Variants in ZAN observed in about 807,000 individuals in gnomAD.
The protein encoded by ZAN is zonadhesin (gene/pseudogene).
A neutral mutation model predicts 286.2 loss-of-function variants in ZAN; 260 were observed. That is an observed-to-expected ratio of 0.91 (90% CI 0.82 to 1.01). The LOEUF is 1.01. Among genes scored for constraint, ZAN ranks in the 50% least tolerant of loss-of-function variants. The pLI is 0.00. For missense variants in ZAN, 3,410 were observed against 3,639.2 expected (o/e 0.94, Z 1.62); for synonymous variants, 1,368 against 1,417.5 (o/e 0.97, Z 0.79).
At chr7:100,784,202 T>C (rs1811408650) in intron 35 of ZAN, among the ~76,000 whole-genome samples, 1 of 149,560 alleles carries the variant, frequency 6.7e-6, no homozygotes, top group South Asian at 2.1e-4. Flanking sequence ...TGATCTTGGC[T>C]CAATGCAACC....
Position 100,772,593 on chromosome 7 carries a change from A to G in ZAN, c.5425+573A>G, listed in dbSNP as rs546795912. 5.3e-5 allele frequency among the ~76,000 whole-genome samples: 8 copies of G among 151,974 alleles called. No individual in the cohort carries two copies. The South Asian group carries it at 8.3e-4, about 16-fold the overall frequency. On this transcript the variant is annotated intron_variant, in intron 29 of 47. Transcript: ENST00000613979. The stretch of plus-strand genomic sequence containing the variant: ...TCCCAGCACTTTGGGAGGCCGAGGC[A>G]GGTGGATCACGAGGTCAGGAGATCG...
rs1808643350 is a variant in ZAN at position 100,751,264 on chromosome 7, C to G, written c.1604C>G (p.Pro535Arg). The change falls in exon 13 of 48, where the codon CCA becomes CGA. Residue 535 changes from proline (P) to arginine (R), a missense_variant and splice_region_variant. Physicochemically the swap from Pro to Arg is moderately radical, Grantham distance 103 (BLOSUM62 -2). Transcript: ENST00000613979. ...GFILINPGTC[P>R]VKVLPELPPV... ...ATCTTGATCAATCCTGGGACTTGTCCAGGTAAGACCAAAGCCCAGGCTCCA... is the reference window on the plus strand; with the variant it reads ...ATCTTGATCAATCCTGGGACTTGTCGAGGTAAGACCAAAGCCCAGGCTCCA... 5 of 1,581,370 alleles carry G rather than the reference C, an allele frequency of 3.2e-6. No homozygotes were observed. Among genetic ancestry groups the G allele is most frequent in the African/African-American group, 2.7e-5 (2 of 73,594 alleles).
chr7:100,749,383 G>A (rs1013050955), intron 11 of ZAN, among the ~76,000 whole-genome samples: 1 of 151,206 alleles, frequency 6.6e-6, no homozygotes, highest in African/African-American at 2.4e-5. Context: ...GCTCACACCT[G>A]TAATCCCAGC....
rs373487953 is a variant in ZAN at position 100,793,931 on chromosome 7, G to A, written c.7899G>A (p.Leu2633=). 3 of 1,613,952 alleles carry A rather than the reference G, an allele frequency of 1.9e-6. No individual in the cohort carries two copies. The highest frequency in any genetic ancestry group is 2.2e-5 in the East Asian group (1 of 44,874). ...RGLRGPLRGR[L]RQHPRLCLQW... The stretch of plus-strand genomic sequence containing the variant: ...TGCGAGGGCCCCTGCGTGGAAGGCT[G>A]CGCCAGCATCCCAGGCTATGCCTAC... Residue 2633 remains leucine (L), a synonymous_variant, in exon 43 of 48, where the codon CTG becomes CTA. Transcript: ENST00000613979.
Position 100,752,089 on chromosome 7 carries a change from A to G in ZAN, c.1984A>G (p.Thr662Ala). ...EKPTVPTEEP[T>A]TPTEETTTSM... The stretch of plus-strand genomic sequence containing the variant: ...ACCCACCGTCCCCACAGAAGAGCCC[A>G]CCACCCCCACTGAGGAGACCACCAC... Residue 662 changes from threonine (T) to alanine (A), a missense_variant, in exon 14 of 48, where the codon ACC becomes GCC. Thr to Ala is a moderately conservative substitution (Grantham distance 58, BLOSUM62 0). Around this residue, in one of 7 missense-constraint regions of ZAN, gnomAD observed 872 missense variants for 938.9 expected, o/e 0.93. Transcript: ENST00000613979. The G allele has an allele frequency of 6.2e-7, 1 of 1,612,608 alleles. No individual in the cohort carries two copies. Among genetic ancestry groups the G allele is most frequent in the Non-Finnish European group, 8.5e-7 (1 of 1,179,618 alleles).
chr7:100,768,727 C>T lies in ZAN; in HGVS notation c.5153+6C>T. The T allele has an allele frequency of 6.3e-7, 1 of 1,586,376 alleles. No individual in the cohort carries two copies. Among genetic ancestry groups the T allele is most frequent in the Non-Finnish European group, 8.6e-7 (1 of 1,165,960 alleles). On this transcript the variant is annotated splice_donor_region_variant and intron_variant, in intron 27 of 47. Transcript: ENST00000613979. ...CCTGAATCCTCTGAACCTGGGTGAG[C>T]TGGGGGTCAGGGGAGCCAGGCAGGA...
intron 28 of ZAN, among the ~76,000 whole-genome samples, chr7:100,770,379 C>T (rs1388583356): frequency 2.0e-5 from 3 of 151,132 alleles, no homozygotes; most frequent in African/African-American, 7.3e-5. Flanking sequence ...TGACGGGCAC[C>T]TGTAGTCCCA....
chr7:100,766,496 T>TTC, intron 23 of ZAN, 29 bp from the exon 24 acceptor site: 2 of 1,538,300 alleles, frequency 1.3e-6, no homozygotes, highest in Non-Finnish European at 1.8e-6. Context: ...AAAAAACACT[T>TTC]TCTCTTCCTT....
At chr7:100,784,489 A>G in intron 35 of ZAN, 134 bp from the exon 36 acceptor site, 4 of 831,264 alleles carry the variant, frequency 4.8e-6, no homozygotes, top group Non-Finnish European at 7.4e-6. Flanking sequence ...ATGTTTGCTG[A>G]ATGAATAACA....
Position 100,791,578 on chromosome 7 carries a change from C to T in ZAN, c.7530-388C>T, listed in dbSNP as rs557109539. On this transcript the variant is annotated intron_variant, in intron 40 of 47. Coordinates refer to ENST00000613979, the MANE Select transcript of ZAN (RefSeq NM_003386.3). ...TGGGCCACCACGCTCAGCTAATGTTCGTATTTTTAGTAGAGACAGGGTTTC... is the reference window on the plus strand; with the variant it reads ...TGGGCCACCACGCTCAGCTAATGTTTGTATTTTTAGTAGAGACAGGGTTTC... Among the ~76,000 whole-genome samples the T allele has an allele frequency of 6.6e-5, 10 of 151,778 alleles. 1 individual carries two copies. The East Asian group carries it at 1.6e-3, about 24-fold the overall frequency.
Position 100,779,582 on chromosome 7 carries a change from C to T in ZAN, c.6454C>T (p.Gln2152Ter), listed in dbSNP as rs1464288926. Residue 2152 changes from glutamine (Q) to a stop codon, truncating the protein, a stop_gained, in exon 35 of 48, where the codon CAG (glutamine) becomes TAG (stop). Transcript: ENST00000613979. LOFTEE classifies it high-confidence loss of function. ...EAALRAPVWA[Q>*]CASRIDLTPF... is the part of the protein sequence containing the mutation. ...AGCGCTCCGGGCTCCTGTGTGGGCC[C>T]AGTGCGCCTCCCGCATAGACCTCAC... 6 of 1,609,822 alleles carry T rather than the reference C, an allele frequency of 3.7e-6. No individual in the cohort carries two copies. Among genetic ancestry groups the T allele is most frequent in the Non-Finnish European group, 5.1e-6 (6 of 1,178,274 alleles).
chr7:100,751,777 G>A lies in ZAN; in HGVS notation c.1672G>A (p.Gly558Ser), dbSNP rs968374348. The A allele has an allele frequency of 6.2e-7, 1 of 1,610,662 alleles. No individual in the cohort carries two copies. The highest frequency in any genetic ancestry group is 1.1e-5 in the South Asian group (1 of 90,496). Residue 558 changes from glycine to serine, a missense_variant, in exon 14 of 48, where the codon GGC becomes AGC. Gly to Ser is a moderately conservative substitution (Grantham distance 56). Coordinates refer to ENST00000613979, the MANE Select transcript of ZAN (RefSeq NM_003386.3). ...TTCCACTGGCCCTTCTGAAACCACT[G>A]GCCTCACAGAAAACCCTACAATCTC... ...VSSTGPSETT[G>S]LTENPTISTK...
intron 44 of ZAN, among the ~76,000 whole-genome samples, chr7:100,794,659 C>T (rs764042443): frequency 6.6e-6 from 1 of 151,984 alleles, no homozygotes; most frequent in Non-Finnish European, 1.5e-5. Context: ...TATAGGGAGA[C>T]ATCGTCTCTA....
chr7:100,764,091 T>C lies in ZAN; in HGVS notation c.4162T>C (p.Phe1388Leu). Residue 1388 changes from phenylalanine to leucine, a missense_variant, in exon 22 of 48, where the codon TTC becomes CTC. Phe to Leu is a conservative substitution (Grantham distance 22). This residue lies in a region of ZAN where 1,042 missense variants were observed against 1,058.0 expected (regional missense o/e 0.98). Transcript: ENST00000613979. ...FDSCMLDMCG[F>L]QGLQHLLCTH... is the part of the protein sequence containing the mutation. ...CAGCTGCATGCTTGATATGTGCGGA[T>C]TCCAGGGGCTGCAGCACCTGCTGTG... 6.2e-7 allele frequency: 1 copy of C among 1,613,646 alleles called. No individual in the cohort carries two copies. Among genetic ancestry groups the C allele is most frequent in the Non-Finnish European group, 8.5e-7 (1 of 1,179,772 alleles).
At chr7:100,758,403 A>C (rs1001829312) in intron 16 of ZAN, 60 bp downstream of exon 16, 1 of 1,595,204 alleles carries the variant, frequency 6.3e-7, no homozygotes, top group Non-Finnish European at 8.6e-7. Context: ...ACGTGACGCC[A>C]GGATCCCAAT....
At chr7:100,735,851 G>A in intron 3 of ZAN, 79 bp downstream of exon 3, 2 of 1,178,908 alleles carry the variant, frequency 1.7e-6, no homozygotes, top group Non-Finnish European at 2.4e-6. Context: ...GCCAGTTCCT[G>A]AGTTCCTAGC....
rs1439295118 is a variant in ZAN, at chr7:100,737,095, A to G, written c.525+15A>G. On this transcript the variant is annotated intron_variant, in intron 5 of 47. Coordinates refer to ENST00000613979, the MANE Select transcript of ZAN (RefSeq NM_003386.3). ...TGCCCACCCGGGTAAGGCCGGGGAC[A>G]AATTGTGGGACCTCGGGGGGGAGTC... 2 of 1,485,378 alleles carry G rather than the reference A, an allele frequency of 1.3e-6. No individual in the cohort carries two copies. The highest frequency in any genetic ancestry group is 1.9e-5 in the Admixed American group (1 of 51,982). The allele number at this position is 1,485,378 out of a possible 1,614,324, so 92.0% of individuals were successfully genotyped here. A position where few individuals can be genotyped will look rare whatever the true frequency, so the allele number is the denominator to read the frequency against.
chr7:100,745,473 T>G (rs901026550), intron 7 of ZAN, among the ~76,000 whole-genome samples: 3 of 151,740 alleles, frequency 2.0e-5, no homozygotes, highest in African/African-American at 7.3e-5. Context: ...TGATTGGCTG[T>G]CTGAGCTGGG....
chr7:100,734,858 A>G (rs1562907172), intron 2 of ZAN, among the ~76,000 whole-genome samples: 1 of 140,206 alleles, frequency 7.1e-6, no homozygotes, highest in Non-Finnish European at 1.6e-5. Flanking sequence ...GACCCAGCTG[A>G]TGAGAGAGAC....
Sources: allele counts gnomAD v4.1 joint callset (sites outside exome capture counted in the v4.1 genomes callset), GRCh38; gene constraint gnomAD v4.1.1; regional missense constraint gnomAD v4.1.1; transcripts MANE v1.5; gene names NCBI Gene and HGNC (gene_info 2026-07-23, HGNC 2026-07-21).